DYNC1H1: variants seen among roughly 807,000 people sequenced by gnomAD.
DYNC1H1 encodes the protein cytoplasmic dynein 1 heavy chain 1.
In DYNC1H1, 51 loss-of-function variants were observed where a neutral mutation model predicts 527.1. The ratio of observed to expected loss-of-function variants is 0.10; its 90% CI spans 0.08 to 0.12. DYNC1H1 has a LOEUF of 0.12. Among genes scored for constraint, DYNC1H1 ranks in the 10% least tolerant of loss-of-function variants. The pLI is 1.00. For synonymous variants in DYNC1H1, 2,189 were observed against 2,278.8 expected (o/e 0.96, Z 1.12); for missense variants, 2,771 against 5,971.8 (o/e 0.46, Z 17.66).
Position 102,029,411 on chromosome 14 carries a change from A to G in DYNC1H1, c.9469-128A>G. On this transcript the variant is annotated intron_variant, in intron 48 of 77. Transcript: ENST00000360184. The surrounding 1 kb of genome is among the most constrained non-coding windows in gnomAD (Gnocchi z 5.3). Reference sequence around the variant, plus strand: ...AGTGGCTAAGCTGAGGCCCGACTCGAGTGTTCTGGCCCCGAGGGCCAGGCT... The same window carrying G: ...AGTGGCTAAGCTGAGGCCCGACTCGGGTGTTCTGGCCCCGAGGGCCAGGCT... The G allele has an allele frequency of 8.0e-7, 1 of 1,244,806 alleles. No individual in the cohort carries two copies. Among genetic ancestry groups the G allele is most frequent in the Middle Eastern group, 2.1e-4 (1 of 4,812 alleles). 77.1% of individuals were successfully genotyped at this position (1,244,806 alleles called of 1,614,324 possible).
At position 102,004,423 on chromosome 14, in the gene DYNC1H1, A is replaced by G. The variant is rs1396929566; in HGVS notation, c.4884-95A>G. 4.3e-6 allele frequency: 6 copies of G among 1,409,678 alleles called. No homozygotes were observed. The South Asian group carries it at 4.3e-5, about 10-fold the overall frequency. The allele number at this position is 1,409,678 out of a possible 1,614,324, so 87.3% of individuals were successfully genotyped here. A position where few individuals can be genotyped will look rare whatever the true frequency, so the allele number is the denominator to read the frequency against. On this transcript the variant is annotated intron_variant, in intron 23 of 77. Transcript: ENST00000360184. ...GCTGGAGATTGCCACCACCAGACAC[A>G]TGTTCTTTCCCTTCCTGCAGTTTGA...
chr14:102,011,445 G>A lies in DYNC1H1; in HGVS notation c.6619-430G>A, dbSNP rs761344665. 5.0e-5 allele frequency: 17 copies of A among 340,844 alleles called. No individual in the cohort carries two copies. The highest frequency in any genetic ancestry group is 1.7e-4 in the Admixed American group (4 of 23,064). 21.1% of individuals were successfully genotyped at this position (340,844 alleles called of 1,614,324 possible). A position where few individuals can be genotyped will look rare whatever the true frequency, so the allele number is the denominator to read the frequency against. ...CATTGGGTCTCTTGTTGTCCTCGGCGGGATCTGATGTGTCCTTGTTGAGGC... is the reference window on the plus strand; with the variant it reads ...CATTGGGTCTCTTGTTGTCCTCGGCAGGATCTGATGTGTCCTTGTTGAGGC... On this transcript the variant is annotated intron_variant, in intron 32 of 77. Coordinates refer to ENST00000360184, the MANE Select transcript of DYNC1H1 (RefSeq NM_001376.5). This position sits in a 1 kb window ranked among gnomAD's most constrained non-coding sequence, Gnocchi z 5.3.
rs143106680 is a variant in DYNC1H1 at position 102,036,016 on chromosome 14, C to T, written c.10755-473C>T. 3 of 184,832 alleles carry T rather than the reference C, an allele frequency of 1.6e-5. No homozygotes were observed. The highest frequency in any genetic ancestry group is 1.4e-4 in the East Asian group (1 of 7,270). The allele number at this position is 184,832 out of a possible 1,614,324, so 11.4% of individuals were successfully genotyped here. ...TCCTTTCCTCATTTGTAGAATGGTT[C>T]GATAACAGTGTCAGCCTCATAGGGC... On this transcript the variant is annotated intron_variant, in intron 56 of 77. Coordinates refer to ENST00000360184, the MANE Select transcript of DYNC1H1 (RefSeq NM_001376.5). This position sits in a 1 kb window ranked among gnomAD's most constrained non-coding sequence, Gnocchi z 5.6.
rs2048860858 is a variant in DYNC1H1, at chr14:102,054,960, G to A, written c.*4397G>A. ...GATCCACCCACCTTGGTCTCCCAAAGTGCTAGGATTATGGGCCTGAGCCAC... is the reference window on the plus strand; with the variant it reads ...GATCCACCCACCTTGGTCTCCCAAAATGCTAGGATTATGGGCCTGAGCCAC... On this transcript the variant is annotated 3_prime_UTR_variant, in exon 78 of 78. Transcript: ENST00000360184. The A allele has an allele frequency of 6.6e-6, 1 of 152,380 alleles. No individual in the cohort carries two copies. The highest frequency in any genetic ancestry group is 1.5e-5 in the Non-Finnish European group (1 of 68,216). The allele number at this position is 152,380 out of a possible 1,614,324, so 9.4% of individuals were successfully genotyped here.
Position 102,050,545 on chromosome 14 carries a change from A to G in DYNC1H1, c.13923A>G (p.Ala4641=). 1.9e-6 allele frequency: 3 copies of G among 1,614,222 alleles called. No individual in the cohort carries two copies. Among genetic ancestry groups the G allele is most frequent in the African/African-American group, 1.3e-5 (1 of 75,048 alleles). ...GCAGCTTCTACGAGCGGGGTGTCGC[A>G]GTCTTGTGCACAGAGTAAACTTTTC... ...DPRSFYERGV[A]VLCTE is the part of the protein sequence containing the mutation. The change falls in exon 78 of 78, where the codon GCA becomes GCG. Residue 4641 remains alanine, a synonymous_variant. Coordinates refer to ENST00000360184, the MANE Select transcript of DYNC1H1 (RefSeq NM_001376.5).
chr14:102,028,472 G>A (rs1211763794), intron 48 of DYNC1H1: 8 of 365,204 alleles, frequency 2.2e-5, no homozygotes, highest in Middle Eastern at 9.3e-4. Flanking sequence ...CTGAGATCAC[G>A]GCACTGCAAT....
At chr14:102,030,077 T>TGTG in intron 50 of DYNC1H1, 85 bp from the exon 51 acceptor site, 1 of 1,579,236 alleles carries the variant, frequency 6.3e-7, no homozygotes. Context: ...TGTGTGTGTG[T>TGTG]TGGCAGAGTG....
In DYNC1H1 at chr14:102,032,819, C is replaced by T. The variant is rs553330865; in HGVS notation, c.10080-246C>T. 4.3e-5 allele frequency: 25 copies of T among 578,664 alleles called. No individual in the cohort carries two copies. The East Asian group carries it at 6.9e-4, about 16-fold the overall frequency. The allele number at this position is 578,664 out of a possible 1,614,324, so 35.8% of individuals were successfully genotyped here. ...AGTGAACCGAGATCACACCACCGCA[C>T]TCCAGCCTGGGTGACAGAGAAAAAC... On this transcript the variant is annotated intron_variant, in intron 52 of 77. Transcript: ENST00000360184.
chr14:101,971,617 C>G (rs2047739900), intron 1 of DYNC1H1, among the ~76,000 whole-genome samples: 1 of 151,978 alleles, frequency 6.6e-6, no homozygotes, highest in Non-Finnish European at 1.5e-5. Flanking sequence ...CCCAGCTACT[C>G]AGGAGGCTGA....
rs767483777 is a variant in DYNC1H1 at position 101,979,337 on chromosome 14, T to C, written c.363T>C (p.Arg121=). The C allele has an allele frequency of 1.9e-6, 3 of 1,614,206 alleles. No individual in the cohort carries two copies. The highest frequency in any genetic ancestry group is 1.7e-5 in the Admixed American group (1 of 60,030). The part of the protein sequence containing the change: ...VKSNSLAFIK[R]TPVIDADKPV... ...TTTTTAGCTTGGCATTCATTAAACG[T>C]ACTCCCGTGATTGATGCAGATAAAC... Residue 121 remains arginine, a synonymous_variant, in exon 3 of 78, where the codon CGT becomes CGC. Coordinates refer to ENST00000360184, the MANE Select transcript of DYNC1H1 (RefSeq NM_001376.5). This position sits in a 1 kb window ranked among gnomAD's most constrained non-coding sequence, Gnocchi z 4.6.
At chr14:101,990,695 C>A (rs138305958) in intron 10 of DYNC1H1, among the ~76,000 whole-genome samples, 1 of 151,626 alleles carries the variant, frequency 6.6e-6, no homozygotes, top group South Asian at 2.1e-4. Context: ...GGCAACATGA[C>A]GAAACCCCAT....
intron 11 of DYNC1H1, among the ~76,000 whole-genome samples, chr14:101,992,492 A>G (rs943378445): frequency 2.6e-5 from 4 of 152,118 alleles, no homozygotes; most frequent in African/African-American, 9.7e-5. Flanking sequence ...TTCTATTTGC[A>G]TTGTTCTCTT....
intron 9 of DYNC1H1, among the ~76,000 whole-genome samples, 199 bp downstream of exon 9, chr14:101,987,831 A>G (rs2047953273): frequency 6.6e-6 from 1 of 152,164 alleles, no homozygotes; most frequent in Non-Finnish European, 1.5e-5. Flanking sequence ...TAATCCCAGC[A>G]TTTTGAGAGG....
intron 55 of DYNC1H1, 33 bp downstream of exon 55, chr14:102,034,221 C>T (rs536049649): frequency 2.2e-5 from 36 of 1,614,126 alleles, no homozygotes; most frequent in Middle Eastern, 1.6e-4. Flanking sequence ...AAAGGATGTG[C>T]GAGCAGTGTG....
In DYNC1H1 at chr14:102,010,403, G is replaced by C; in HGVS notation, c.6349G>C (p.Glu2117Gln). ...CCAGAAGATAAAGAGGGAGAAAGAG[G>C]AACGAGGGGAAGCAGTTGATGAAGG... ...RIQKIKREKE[E>Q]RGEAVDEGEI... Residue 2117 changes from glutamate to glutamine, a missense_variant, in exon 31 of 78, where the codon GAA becomes CAA. By Grantham distance (29) the Glu-to-Gln change is conservative. Coordinates refer to ENST00000360184, the MANE Select transcript of DYNC1H1 (RefSeq NM_001376.5). The surrounding 1 kb of genome is among the most constrained non-coding windows in gnomAD (Gnocchi z 6.0). The C allele has an allele frequency of 6.2e-7, 1 of 1,614,164 alleles. No individual in the cohort carries two copies. Among genetic ancestry groups the C allele is most frequent in the Non-Finnish European group, 8.5e-7 (1 of 1,180,022 alleles).
In DYNC1H1 at chr14:102,044,332, C is replaced by T; in HGVS notation, c.12743C>T (p.Ala4248Val). The T allele has an allele frequency of 6.2e-7, 1 of 1,614,180 alleles. No individual in the cohort carries two copies. Among genetic ancestry groups the T allele is most frequent in the Non-Finnish European group, 8.5e-7 (1 of 1,180,032 alleles). Residue 4248 changes from alanine (A) to valine (V), a missense_variant, in exon 71 of 78, where the codon GCC becomes GTC. Transcript: ENST00000360184. The surrounding 1 kb of genome is among the most constrained non-coding windows in gnomAD (Gnocchi z 7.1). ...TGGTCTGCACTAAAGACCTTAATGGCCCAGTCCATTTATGGCGGGCGCGTG... is the reference window on the plus strand; with the variant it reads ...TGGTCTGCACTAAAGACCTTAATGGTCCAGTCCATTTATGGCGGGCGCGTG... ...IPWSALKTLM[A>V]QSIYGGRVDN... is the part of the protein sequence containing the mutation.
At position 102,041,843 on chromosome 14, in the gene DYNC1H1, C is replaced by A; in HGVS notation, c.12102+109C>A. 2 of 1,569,424 alleles carry A rather than the reference C, an allele frequency of 1.3e-6. No individual in the cohort carries two copies. The highest frequency in any genetic ancestry group is 1.7e-6 in the Non-Finnish European group (2 of 1,151,044). ...CTCTCACTCCGGGCTACAGTCTCCT[C>A]CTAAGACCAGGAACTCGCTGCAGAT... On this transcript the variant is annotated intron_variant, in intron 65 of 77. Transcript: ENST00000360184. This position sits in a 1 kb window ranked among gnomAD's most constrained non-coding sequence, Gnocchi z 4.5.
chr14:102,003,387 G>A (rs1027377998), intron 23 of DYNC1H1, among the ~76,000 whole-genome samples: 1 of 151,322 alleles, frequency 6.6e-6, no homozygotes, highest in African/African-American at 2.4e-5. Context: ...TCAGCCTCCT[G>A]AGTAACTGGG....
rs951775272 is a variant in DYNC1H1 at position 102,036,740 on chromosome 14, G to A, written c.10908+98G>A. ...TTTCAACTTTGTAAGACTTCATTTT[G>A]TATCAGAAGGATAAAGCTTTGCGGT... On this transcript the variant is annotated intron_variant, in intron 57 of 77. Coordinates refer to ENST00000360184, the MANE Select transcript of DYNC1H1 (RefSeq NM_001376.5). The surrounding 1 kb of genome is among the most constrained non-coding windows in gnomAD (Gnocchi z 5.6). 2.1e-6 allele frequency: 3 copies of A among 1,447,174 alleles called. No homozygotes were observed. Among genetic ancestry groups the A allele is most frequent in the Non-Finnish European group, 2.9e-6 (3 of 1,032,116 alleles). 89.6% of individuals were successfully genotyped at this position (1,447,174 alleles called of 1,614,324 possible).
Sources: gnomAD v4.1 joint callset for allele counts (sites outside exome capture counted in the v4.1 genomes callset) on GRCh38, gnomAD v4.1.1 for gene constraint, Gnocchi (gnomAD v3.1) non-coding constraint, MANE v1.5 for transcripts, NCBI Gene and HGNC (gene_info 2026-07-23, HGNC 2026-07-21) for gene names.